MUC4: variants seen among roughly 807,000 people sequenced by gnomAD.
MUC4 encodes the protein mucin-4.
MUC4 carries 202 observed loss-of-function variants against 257.9 expected under a neutral mutation model. That is an observed-to-expected ratio of 0.78 (90% CI 0.70 to 0.88). MUC4 has a LOEUF of 0.88. Among genes scored for constraint, MUC4 ranks in the 40% least tolerant of loss-of-function variants. The pLI is 0.00. For missense variants in MUC4, 5,976 were observed against 6,513.7 expected, an observed-to-expected ratio of 0.92 and a Z score of 2.84; for synonymous variants, 2,351 against 2,757.1, an observed-to-expected ratio of 0.85 and a Z score of 4.62.
At chr3:195,797,270 A>T (rs1182019662) in intron 1 of MUC4, among the ~76,000 whole-genome samples, 2 of 151,348 alleles carry the variant, frequency 1.3e-5, no homozygotes, top group East Asian at 3.8e-4. Flanking sequence ...TCTATCTTAA[A>T]TAAATAAATA....
Position 195,796,173 on chromosome 3 carries a change from C to T in MUC4, c.83-4676G>A, listed in dbSNP as rs538872646. Among the ~76,000 whole-genome samples, 4 of 152,244 alleles carry T rather than the reference C, an allele frequency of 2.6e-5. No homozygotes were observed. The South Asian group carries it at 8.3e-4, about 32-fold the overall frequency. On this transcript the variant is annotated intron_variant, in intron 1 of 24. Transcript: ENST00000463781. ...GATCTCAGCTCACTGCAACCTCTGC[C>T]TCCCAGGTTCAAGATTCTCCTGCTT...
At chr3:195,751,928 A>T (rs918888183) in intron 21 of MUC4, 5 of 213,064 alleles carry the variant, frequency 2.3e-5, no homozygotes, top group Middle Eastern at 1.9e-3. Flanking sequence ...CACCTGCTCT[A>T]GTGAGGGGCA....
rs1184585491 is a variant in MUC4, at chr3:195,767,799, CCATCAT to C, written c.13530-1054_13530-1049del. ...ACCATCACCACCATCATTGCCACCA[CCATCAT>C]CACCACCATCACCACCACCACCACC... On this transcript the variant is annotated intron_variant, in intron 7 of 24. Transcript: ENST00000463781. 1.0e-3 allele frequency among the ~76,000 whole-genome samples: 129 copies of C among 127,116 alleles called. 2 individuals carry two copies. The highest frequency in any genetic ancestry group is 4.2e-3 in the Middle Eastern group (1 of 240). The allele number at this position is 127,116 out of a possible 152,430, so 83.4% of individuals were successfully genotyped here.
chr3:195,751,451 G>C (rs1240883537), intron 21 of MUC4, 180 bp from the exon 22 acceptor site: 16 of 623,002 alleles, frequency 2.6e-5, no homozygotes, highest in Non-Finnish European at 2.9e-6. Context: ...TGAGTGTCAT[G>C]GGTCCTTGCT....
Position 195,778,787 on chromosome 3 carries a change from T to C in MUC4, c.12790+3A>G, listed in dbSNP as rs772471504. 3 of 1,607,466 alleles carry C rather than the reference T, an allele frequency of 1.9e-6. No homozygotes were observed. The highest frequency in any genetic ancestry group is 2.5e-6 in the Non-Finnish European group (3 of 1,176,624). On this transcript the variant is annotated splice_donor_region_variant and intron_variant, in intron 2 of 24. Transcript: ENST00000463781. ...ACATAAAGGCGAGGCAGTTGGCAGC[T>C]ACCTGGTGTTTCCATCTTCAGAGGG...
Position 195,751,032 on chromosome 3 carries a change from G to C in MUC4, c.15728C>G (p.Pro5243Arg), listed in dbSNP as rs750455032. ...ISEFQYRPRG[P>R]VIDFLNNQLL... ...CTGGTTGTTCAGGAAGTCAATGACC[G>C]GGCCCCGAGGGCGGTACTGGAACTC... The change falls in exon 23 of 25, where the codon CCG becomes CGG. Residue 5243 changes from proline (P) to arginine (R), a missense_variant. Physicochemically the swap from Pro to Arg is moderately radical, Grantham distance 103. Transcript: ENST00000463781. 8 of 1,613,764 alleles carry C rather than the reference G, an allele frequency of 5.0e-6. No individual in the cohort carries two copies. The highest frequency in any genetic ancestry group is 4.0e-5 in the African/African-American group (3 of 74,826).
In MUC4 at chr3:195,762,159, C is replaced by T. The variant is rs1350628582; in HGVS notation, c.14440G>A (p.Ala4814Thr). 2 of 1,607,658 alleles carry T rather than the reference C, an allele frequency of 1.2e-6. No homozygotes were observed. The highest frequency in any genetic ancestry group is 1.7e-6 in the Non-Finnish European group (2 of 1,177,920). Residue 4814 changes from alanine to threonine, a missense_variant, in exon 14 of 25, where the codon GCG becomes ACG. Physicochemically the swap from Ala to Thr is moderately conservative, Grantham distance 58. Transcript: ENST00000463781. ...GAGGCGTGGAGGATGTTGGAGAGCG[C>T]GATCACCGAGACGGTGGCCCAGCCG... ...FDGWATVSVIALSNILHASAS... is the reference protein window; with the variant it reads ...FDGWATVSVITLSNILHASAS...
At position 195,789,902 on chromosome 3, in the gene MUC4, C is replaced by T; in HGVS notation, c.1678G>A (p.Gly560Arg). 6.2e-7 allele frequency: 1 copy of T among 1,613,980 alleles called. No homozygotes were observed. Among genetic ancestry groups the T allele is most frequent in the Non-Finnish European group, 8.5e-7 (1 of 1,179,880 alleles). ...SHSTTLPKTT[G>R]AGAQTQWTQE... ...GTCCATTGTGTCTGGGCGCCTGCCCCTGTTGTTTTTGGGAGAGTTGTGCTG... is the reference window on the plus strand; with the variant it reads ...GTCCATTGTGTCTGGGCGCCTGCCCTTGTTGTTTTTGGGAGAGTTGTGCTG... Residue 560 changes from glycine to arginine, a missense_variant, in exon 2 of 25, where the codon GGG becomes AGG. This residue lies in a region of MUC4 where 1,583 missense variants were observed against 1,257.4 expected (regional missense o/e 1.26). Coordinates refer to ENST00000463781, the MANE Select transcript of MUC4 (RefSeq NM_018406.7).
In MUC4 at chr3:195,769,006, GC is replaced by G. The variant is rs1161501860; in HGVS notation, c.13529+15del. The stretch of plus-strand genomic sequence containing the variant: ...CCCTGCCAACTGCTCAGTGCTGACA[GC>G]CCCTCCCATCCTACCTAGAGAAGCC... On this transcript the variant is annotated intron_variant, in intron 7 of 24. Coordinates refer to ENST00000463781, the MANE Select transcript of MUC4 (RefSeq NM_018406.7). The G allele has an allele frequency of 1.2e-6, 2 of 1,607,344 alleles. No homozygotes were observed. Among genetic ancestry groups the G allele is most frequent in the Non-Finnish European group, 1.7e-6 (2 of 1,174,840 alleles).
At position 195,755,581 on chromosome 3, in the gene MUC4, G is replaced by C. The variant is rs1373852235; in HGVS notation, c.15169-1209C>G. Among the ~76,000 whole-genome samples the C allele has an allele frequency of 6.6e-6, 1 of 151,932 alleles. No individual in the cohort carries two copies. The highest frequency in any genetic ancestry group is 1.9e-4 in the East Asian group (1 of 5,184). Reference sequence around the variant, plus strand: ...ACACAGCAGCCAGTACAGCAGCTCAGCAAAGGCTGCGGCGCCGAGACCTCA... The same window carrying C: ...ACACAGCAGCCAGTACAGCAGCTCACCAAAGGCTGCGGCGCCGAGACCTCA... On this transcript the variant is annotated intron_variant, in intron 18 of 24. Coordinates refer to ENST00000463781, the MANE Select transcript of MUC4 (RefSeq NM_018406.7). The surrounding 1 kb of genome is among the most constrained non-coding windows in gnomAD (Gnocchi z 5.0).
chr3:195,800,144 G>T (rs1735110264), intron 1 of MUC4, among the ~76,000 whole-genome samples: 1 of 152,128 alleles, frequency 6.6e-6, no homozygotes, highest in Non-Finnish European at 1.5e-5. Flanking sequence ...CAGGCATGGT[G>T]GCGTGCACCT....
rs779747542 is a variant in MUC4 at position 195,786,415 on chromosome 3, G to A, written c.5165C>T (p.Ser1722Phe). The A allele has an allele frequency of 9.1e-6, 14 of 1,532,840 alleles. No individual in the cohort carries two copies. Among genetic ancestry groups the A allele is most frequent in the African/African-American group, 1.4e-5 (1 of 70,944 alleles). 95.0% of individuals were successfully genotyped at this position (1,532,840 alleles called of 1,614,324 possible). A position where few individuals can be genotyped will look rare whatever the true frequency, so the allele number is the denominator to read the frequency against. Residue 1722 changes from serine (S) to phenylalanine (F), a missense_variant, in exon 2 of 25, where the codon TCC becomes TTC. By Grantham distance (155) the Ser-to-Phe change is radical. This residue lies in a region of MUC4 where 138 missense variants were observed against 107.8 expected (regional missense o/e 1.28). Coordinates refer to ENST00000463781, the MANE Select transcript of MUC4 (RefSeq NM_018406.7). ...PLPVTSLSSV[S>F]TGDTTPLPVT... is the part of the protein sequence containing the mutation. ...AGGAAGAGGCGTGGTGTCACCTGTG[G>A]ATACTGAGGAAAGGCTGGTGACAGG...
In MUC4 at chr3:195,773,799, C is replaced by T. The variant is rs148451373; in HGVS notation, c.13077+373G>A. On this transcript the variant is annotated intron_variant, in intron 4 of 24. Coordinates refer to ENST00000463781, the MANE Select transcript of MUC4 (RefSeq NM_018406.7). Reference sequence around the variant, plus strand: ...CTCAGTCGCCCTCTCATGCTGTGTTCGGACTCAGCCTCCTCCCTCAGGGCC... The same window carrying T: ...CTCAGTCGCCCTCTCATGCTGTGTTTGGACTCAGCCTCCTCCCTCAGGGCC... Among the ~76,000 whole-genome samples, 155 of 152,348 alleles carry T rather than the reference C, an allele frequency of 1.0e-3. 1 individual carries two copies. The East Asian group carries it at 0.027, about 27-fold the overall frequency.
chr3:195,767,865 A>C (rs1384661644), intron 7 of MUC4, among the ~76,000 whole-genome samples: 113 of 52,068 alleles, frequency 2.2e-3, no homozygotes, highest in South Asian at 4.5e-3. Flanking sequence ...ATCACCCCCA[A>C]CACCACCACC....
intron 4 of MUC4, among the ~76,000 whole-genome samples, chr3:195,772,038 A>G (rs572989718): frequency 2.9e-4 from 44 of 152,300 alleles, no homozygotes; most frequent in African/African-American, 1.1e-3. Context: ...CTCGGGTGGT[A>G]GGCTTGGTCC....
In MUC4 at chr3:195,778,824, T is replaced by A. The variant is rs371724140; in HGVS notation, c.12756A>T (p.Val4252=). ...AVSSATSAST[V]SSDSPLKMET... is the part of the protein sequence containing the mutation. ...CCATCTTCAGAGGGGAGTCCGAGGA[T>A]ACTGTGGAAGCTGAGGTAGCACTGC... Residue 4252 remains valine, a synonymous_variant, in exon 2 of 25, where the codon GTA becomes GTT. Transcript: ENST00000463781. The A allele has an allele frequency of 1.2e-6, 2 of 1,612,082 alleles. No individual in the cohort carries two copies. Among genetic ancestry groups the A allele is most frequent in the Admixed American group, 3.3e-5 (2 of 59,872 alleles).
In MUC4 at chr3:195,755,959, C is replaced by T. The variant is rs1438224227; in HGVS notation, c.15168+1188G>A. On this transcript the variant is annotated intron_variant, in intron 18 of 24. Transcript: ENST00000463781. This position sits in a 1 kb window ranked among gnomAD's most constrained non-coding sequence, Gnocchi z 5.0. ...TTCCTTTCTGGCTCTTCCTTTACAA[C>T]CAAAAATAAAAATAAAAAAGCAGAT... Among the ~76,000 whole-genome samples the T allele has an allele frequency of 6.6e-6, 1 of 151,508 alleles. No homozygotes were observed. Among genetic ancestry groups the T allele is most frequent in the Admixed American group, 6.6e-5 (1 of 15,230 alleles).
rs1205389297 is a variant in MUC4, at chr3:195,757,109, T to C, written c.15168+38A>G. ...CATTCCACTCCCATTTCCTCTCCCC[T>C]CGGCACAGAAACTCCTCCCCCACCT... On this transcript the variant is annotated intron_variant, in intron 18 of 24. Coordinates refer to ENST00000463781, the MANE Select transcript of MUC4 (RefSeq NM_018406.7). This position sits in a 1 kb window ranked among gnomAD's most constrained non-coding sequence, Gnocchi z 4.8. 1 of 1,566,526 alleles carries C rather than the reference T, an allele frequency of 6.4e-7. No individual in the cohort carries two copies. Among genetic ancestry groups the C allele is most frequent in the Non-Finnish European group, 8.7e-7 (1 of 1,146,780 alleles).
At chr3:195,811,140 ATTTTATATTTATTTATT>A (rs1459813421) in intron 1 of MUC4, among the ~76,000 whole-genome samples, 3 of 144,666 alleles carry the variant, frequency 2.1e-5, no homozygotes, top group South Asian at 2.2e-4. Flanking sequence ...TTTTTATTTT[ATTTTATATTTATTTATT>A]TATTTATTTA....
Sources: gnomAD v4.1 joint callset for allele counts (sites outside exome capture counted in the v4.1 genomes callset) on GRCh38, gnomAD v4.1.1 for gene constraint, gnomAD v4.1.1 regional missense constraint, Gnocchi (gnomAD v3.1) non-coding constraint, MANE v1.5 for transcripts, NCBI Gene and HGNC (gene_info 2026-07-23, HGNC 2026-07-21) for gene names.